Variants in COMMD2 observed in about 807,000 individuals in gnomAD.
COMMD2 encodes COMM domain-containing protein 2.
A neutral mutation model predicts 22.5 loss-of-function variants in COMMD2; 25 were observed. The observed-to-expected ratio is 1.11, with a 90% CI of 0.81 to 1.55. The LOEUF is 1.55. Among genes scored for constraint, COMMD2 ranks in the 40% most tolerant of loss-of-function variants. The pLI, the probability that COMMD2 is intolerant of heterozygous loss-of-function variation, is 0.00. For synonymous variants in COMMD2, 98 were observed against 91.2 expected (o/e 1.07, Z -0.42); for missense variants, 223 against 232.9 (o/e 0.96, Z 0.28).
At position 149,752,473 on chromosome 3, in the gene COMMD2, G is replaced by C. The variant is rs375475203; in HGVS notation, c.-29C>G. 4.2e-5 allele frequency: 67 copies of C among 1,598,138 alleles called. No homozygotes were observed. Among genetic ancestry groups the C allele is most frequent in the Non-Finnish European group, 5.0e-5 (59 of 1,170,564 alleles). On this transcript the variant is annotated 5_prime_UTR_variant, in exon 1 of 5. Transcript: ENST00000473414. Reference sequence around the variant, plus strand: ...CACTGTCCTACGATTTCACCCGGCAGCGCCGACCCCGCCTTCGCCACTTCC... The same window carrying C: ...CACTGTCCTACGATTTCACCCGGCACCGCCGACCCCGCCTTCGCCACTTCC...
At chr3:149,742,999 A>G (rs1031930705) in intron 4 of COMMD2, among the ~76,000 whole-genome samples, 9 of 148,842 alleles carry the variant, frequency 6.0e-5, no homozygotes, top group African/African-American at 2.3e-4. Context: ...AAAAAGAAAA[A>G]GAAAAGATTC....
At chr3:149,751,152 T>TAG (rs1273872373) in intron 3 of COMMD2, among the ~76,000 whole-genome samples, 1 of 152,218 alleles carries the variant, frequency 6.6e-6, no homozygotes, top group African/African-American at 2.4e-5. Context: ...TGTATCTTCT[T>TAG]AAGATACATA....
Position 149,742,212 on chromosome 3 carries a change from C to T in COMMD2, c.403-494G>A, listed in dbSNP as rs1240737337. 2.6e-5 allele frequency among the ~76,000 whole-genome samples: 4 copies of T among 152,230 alleles called. No individual in the cohort carries two copies. The South Asian group carries it at 6.2e-4, about 24-fold the overall frequency. On this transcript the variant is annotated intron_variant, in intron 4 of 4. Coordinates refer to ENST00000473414, the MANE Select transcript of COMMD2 (RefSeq NM_016094.4). ...GAAAAATATGTTCAACTTTATTAAA[C>T]ATCAGGATAATAGCCAGTAAAACTA...
In COMMD2 at chr3:149,739,796, T is replaced by C. The variant is rs1474577442; in HGVS notation, c.*1725A>G. 2 of 152,180 alleles carry C rather than the reference T, an allele frequency of 1.3e-5. No individual in the cohort carries two copies. The highest frequency in any genetic ancestry group is 2.9e-5 in the Non-Finnish European group (2 of 68,024). 9.4% of individuals were successfully genotyped at this position (152,180 alleles called of 1,614,324 possible). A position where few individuals can be genotyped will look rare whatever the true frequency, so the allele number is the denominator to read the frequency against. On this transcript the variant is annotated 3_prime_UTR_variant, in exon 5 of 5. Coordinates refer to ENST00000473414, the MANE Select transcript of COMMD2 (RefSeq NM_016094.4). ...TTCATTAATCAAGTTGCCACTATAA[T>C]TAAAAATTATTTCTGATTATAGTTT...
intron 4 of COMMD2, 171 bp downstream of exon 4, chr3:149,750,507 C>A: frequency 3.8e-6 from 2 of 526,100 alleles, no homozygotes; most frequent in Non-Finnish European, 6.7e-6. Context: ...GATTTGAACA[C>A]ACTGAAAATA....
At position 149,739,009 on chromosome 3, in the gene COMMD2, T is replaced by C. The variant is rs1444439680; in HGVS notation, c.*2512A>G. On this transcript the variant is annotated 3_prime_UTR_variant, in exon 5 of 5. Transcript: ENST00000473414. Reference sequence around the variant, plus strand: ...ACTTTGTGACACATATATTGGCATGTGGTCACAGCTCTGTTCTGAGATGAG... The same window carrying C: ...ACTTTGTGACACATATATTGGCATGCGGTCACAGCTCTGTTCTGAGATGAG... 2.0e-5 allele frequency: 3 copies of C among 152,204 alleles called. No individual in the cohort carries two copies. Among genetic ancestry groups the C allele is most frequent in the Admixed American group, 6.5e-5 (1 of 15,282 alleles). 9.4% of individuals were successfully genotyped at this position (152,204 alleles called of 1,614,324 possible). A position where few individuals can be genotyped will look rare whatever the true frequency, so the allele number is the denominator to read the frequency against.
At chr3:149,749,312 A>G (rs1716462485) in intron 4 of COMMD2, among the ~76,000 whole-genome samples, 1 of 152,188 alleles carries the variant, frequency 6.6e-6, no homozygotes, top group Non-Finnish European at 1.5e-5. Context: ...CCCTATCCAA[A>G]TATCTACAAG....
In COMMD2 at chr3:149,749,038, G is replaced by A. The variant is rs972317345; in HGVS notation, c.402+1640C>T. ...TCTCTCTTTTTTTTTTTTTTGAGAC[G>A]AAGTCTCCCTCTGTTGCCCAGGCTG... On this transcript the variant is annotated intron_variant, in intron 4 of 4. Coordinates refer to ENST00000473414, the MANE Select transcript of COMMD2 (RefSeq NM_016094.4). Among the ~76,000 whole-genome samples, 11 of 146,956 alleles carry A rather than the reference G, an allele frequency of 7.5e-5. No homozygotes were observed. In the East Asian group the frequency reaches 9.9e-4, roughly 13 times the overall value.
rs11549572 is a variant in COMMD2 at position 149,741,626 on chromosome 3, C to A, written c.495G>T (p.Leu165=). Reference sequence around the variant, plus strand: ...GGAGCAGGGTGGCTGGGTCTGTCTGCAGAACTTTGGTGTTGTGATCTCCAT... The same window carrying A: ...GGAGCAGGGTGGCTGGGTCTGTCTGAAGAACTTTGGTGTTGTGATCTCCAT... ...NQNGDHNTKV[L]QTDPATLLHL... is the part of the protein sequence containing the mutation. The change falls in exon 5 of 5, where the codon CTG becomes CTT. Residue 165 remains leucine (L), a synonymous_variant. Transcript: ENST00000473414. 1.2e-6 allele frequency: 2 copies of A among 1,613,672 alleles called. No homozygotes were observed. Among genetic ancestry groups the A allele is most frequent in the Non-Finnish European group, 1.7e-6 (2 of 1,179,976 alleles).
rs1314396522 is a variant in COMMD2 at position 149,740,788 on chromosome 3, A to AAGATG, written c.*728_*732dup. The AAGATG allele has an allele frequency of 2.6e-5, 4 of 152,358 alleles. No individual in the cohort carries two copies. Among genetic ancestry groups the AAGATG allele is most frequent in the Non-Finnish European group, 4.4e-5 (3 of 68,036 alleles). 9.4% of individuals were successfully genotyped at this position (152,358 alleles called of 1,614,324 possible). On this transcript the variant is annotated 3_prime_UTR_variant, in exon 5 of 5. Coordinates refer to ENST00000473414, the MANE Select transcript of COMMD2 (RefSeq NM_016094.4). ...ATTTTATTTTCAAATTTGATCAATA[A>AAGATG]AGATGAAAATAATAAAATTAAGCAG...
chr3:149,752,115 C>T, intron 2 of COMMD2, 95 bp downstream of exon 2: 1 of 1,032,254 alleles, frequency 9.7e-7, no homozygotes, highest in Non-Finnish European at 1.5e-6. Flanking sequence ...GAACAAGACC[C>T]TAGGACTCGC....
At chr3:149,741,743 A>T in intron 4 of COMMD2, 25 bp from the exon 5 acceptor site, 1 of 1,536,652 alleles carries the variant, frequency 6.5e-7, no homozygotes, top group Admixed American at 1.7e-5. Flanking sequence ...AAATAAGAGC[A>T]CAGTAACTAT....
In COMMD2 at chr3:149,750,781, A is replaced by G. The variant is rs777649428; in HGVS notation, c.299T>C (p.Leu100Pro). ...TTTTCTGTTGTCCAGATAAAGCTGA[A>G]GCAACAATTTGTTTAATTCTTCAGA... ...GFSEELNKLL[L>P]QLYLDNRKEI... Residue 100 changes from leucine (L) to proline (P), a missense_variant, in exon 4 of 5, where the codon CTT becomes CCT. Transcript: ENST00000473414. 6.2e-7 allele frequency: 1 copy of G among 1,607,092 alleles called. No individual in the cohort carries two copies. The highest frequency in any genetic ancestry group is 8.5e-7 in the Non-Finnish European group (1 of 1,175,596).
At chr3:149,747,860 A>C (rs917788492) in intron 4 of COMMD2, among the ~76,000 whole-genome samples, 1 of 151,464 alleles carries the variant, frequency 6.6e-6, no homozygotes, top group South Asian at 2.1e-4. Context: ...AGGCAGGAGA[A>C]TCACTTGAAC....
At chr3:149,744,164 T>G (rs1220057791) in intron 4 of COMMD2, among the ~76,000 whole-genome samples, 1 of 152,022 alleles carries the variant, frequency 6.6e-6, no homozygotes, top group Non-Finnish European at 1.5e-5. Flanking sequence ...TAAAAGCAAC[T>G]TTAAAATAAA....
chr3:149,744,901 C>T (rs1222201746), intron 4 of COMMD2, among the ~76,000 whole-genome samples: 3 of 152,300 alleles, frequency 2.0e-5, no homozygotes, highest in Non-Finnish European at 4.4e-5. Flanking sequence ...GTGATTCAAA[C>T]TCACTTCAGT....
chr3:149,745,745 T>C (rs1462580462), intron 4 of COMMD2, among the ~76,000 whole-genome samples: 1 of 152,216 alleles, frequency 6.6e-6, no homozygotes, highest in African/African-American at 2.4e-5. Flanking sequence ...GAATATTCTC[T>C]CTCTATGCCA....
At position 149,752,480 on chromosome 3, in the gene COMMD2, C is replaced by A. The variant is rs917275460; in HGVS notation, c.-36G>T. The A allele has an allele frequency of 5.0e-6, 8 of 1,585,808 alleles. No individual in the cohort carries two copies. In the Admixed American group the frequency reaches 7.1e-5, roughly 14 times the overall value. On this transcript the variant is annotated 5_prime_UTR_variant, in exon 1 of 5. Transcript: ENST00000473414. ...CTACGATTTCACCCGGCAGCGCCGA[C>A]CCCGCCTTCGCCACTTCCGGCGCCC...
rs1434577979 is a variant in COMMD2 at position 149,752,234 on chromosome 3, G to T, written c.121C>A (p.Pro41Thr). The stretch of plus-strand genomic sequence containing the variant: ...CTGGCGGCGCCTTCGTAGATTTTTG[G>T]GTTTGCGCCGCGTCTCAGGAATTCC... ...AVEFLRRGAN[P>T]KIYEGAARKL... is the part of the protein sequence containing the mutation. Residue 41 changes from proline to threonine, a missense_variant, in exon 2 of 5, where the codon CCA (proline) becomes ACA (threonine). Transcript: ENST00000473414. The T allele has an allele frequency of 1.9e-6, 3 of 1,613,866 alleles. No individual in the cohort carries two copies. Among genetic ancestry groups the T allele is most frequent in the Admixed American group, 3.3e-5 (2 of 59,986 alleles).
Sources: allele counts gnomAD v4.1 joint callset (sites outside exome capture counted in the v4.1 genomes callset), GRCh38; gene constraint gnomAD v4.1.1; transcripts MANE v1.5; gene names NCBI Gene and HGNC (gene_info 2026-07-23, HGNC 2026-07-21).